The following YPEL1 variants were observed in gnomAD, a reference collection of about 807,000 sequenced individuals.
YPEL1 encodes yippee like 1.
YPEL1 carries 7 observed loss-of-function variants against 17.3 expected under a neutral mutation model. The observed-to-expected ratio is 0.40, with a 90% CI of 0.23 to 0.76. YPEL1 has a LOEUF of 0.76. Ranked by LOEUF, YPEL1 falls within the 30% of genes least tolerant of loss-of-function variation. The probability of loss-of-function intolerance (pLI) is 0.35; values close to 1 mark genes in which losing one functional copy is unlikely to be tolerated. For missense variants in YPEL1, 91 were observed against 155.5 expected (o/e 0.59, Z 2.21); for synonymous variants, 59 against 59.6 (o/e 0.99, Z 0.05).
Position 21,701,082 on chromosome 22 carries a change from G to T in YPEL1, c.*47C>A. ...CTCCTACGTTTCCATTACATTCACA[G>T]TTTCTTTCACAAAACAGCATTCAAA... is the stretch of plus-strand genomic sequence containing the variant. On this transcript the variant is annotated 3_prime_UTR_variant, in exon 5 of 5. Coordinates refer to ENST00000339468, the MANE Select transcript of YPEL1 (RefSeq NM_013313.5). 6.5e-7 allele frequency: 1 copy of T among 1,544,744 alleles called. No homozygotes were observed.
chr22:21,733,862 G>T (rs534190810), intron 1 of YPEL1, among the ~76,000 whole-genome samples: 249 of 152,322 alleles, frequency 1.6e-3, no homozygotes, highest in Non-Finnish European at 1.1e-3. Context: ...GTGGAACTTA[G>T]TGAAGACAGG....
intron 2 of YPEL1, 195 bp downstream of exon 2, chr22:21,710,433 G>T (rs1451576542): frequency 1.2e-5 from 7 of 597,442 alleles, no homozygotes; most frequent in Non-Finnish European, 2.1e-5. Flanking sequence ...ACCATGCCAG[G>T]ATCACATCTG....
At chr22:21,714,243 C>T (rs2068199607) in intron 1 of YPEL1, among the ~76,000 whole-genome samples, 1 of 152,204 alleles carries the variant, frequency 6.6e-6, no homozygotes, top group Non-Finnish European at 1.5e-5. Flanking sequence ...ACACAAACGG[C>T]CGGTGGCGGC....
rs949312779 is a variant in YPEL1 at position 21,703,101 on chromosome 22, CAG to C, written c.270+267_270+268del. Among the ~76,000 whole-genome samples the C allele has an allele frequency of 2.0e-4, 30 of 152,250 alleles. No individual in the cohort carries two copies. The highest frequency in any genetic ancestry group is 5.8e-4 in the African/African-American group (24 of 41,552). ...CAGCGGGCCGAGGGCGGGCTGGGTG[CAG>C]AGAGCCTGGCTTAGGAAGAAACAGG... On this transcript the variant is annotated intron_variant, in intron 4 of 4. Coordinates refer to ENST00000339468, the MANE Select transcript of YPEL1 (RefSeq NM_013313.5). This position sits in a 1 kb window ranked among gnomAD's most constrained non-coding sequence, Gnocchi z 6.1.
intron 1 of YPEL1, among the ~76,000 whole-genome samples, chr22:21,734,772 G>C (rs2068421035): frequency 6.6e-6 from 1 of 152,222 alleles, no homozygotes; most frequent in Non-Finnish European, 1.5e-5. Flanking sequence ...CTCAGGTGAG[G>C]TGCCTGGAAA....
In YPEL1 at chr22:21,703,692, G is replaced by T; in HGVS notation, c.161+147C>A. On this transcript the variant is annotated intron_variant, in intron 3 of 4. Coordinates refer to ENST00000339468, the MANE Select transcript of YPEL1 (RefSeq NM_013313.5). The surrounding 1 kb of genome is among the most constrained non-coding windows in gnomAD (Gnocchi z 6.1). Reference sequence around the variant, plus strand: ...CAGGCTAGGGGGCAAGATCCTTAGCGCGTTTCAGAAACTCCCGGCGGGGGG... The same window carrying T: ...CAGGCTAGGGGGCAAGATCCTTAGCTCGTTTCAGAAACTCCCGGCGGGGGG... The T allele has an allele frequency of 3.5e-6, 3 of 866,848 alleles. No individual in the cohort carries two copies. The highest frequency in any genetic ancestry group is 5.3e-6 in the Non-Finnish European group (3 of 570,648). The allele number at this position is 866,848 out of a possible 1,614,324, so 53.7% of individuals were successfully genotyped here.
intron 1 of YPEL1, among the ~76,000 whole-genome samples, chr22:21,724,940 T>C (rs1433588709): frequency 1.3e-5 from 2 of 149,248 alleles, no homozygotes; most frequent in African/African-American, 4.9e-5. Flanking sequence ...GGACTTTCGC[T>C]CTTTCCGCCC....
chr22:21,698,223 C>CA lies in YPEL1; in HGVS notation c.*2905dup, dbSNP rs59474281. ...GAGCTTGTATTTTGCAGAAGCCCAA[C>CA]AAAAAAAAAGTGATAAAAGTGTTGT... On this transcript the variant is annotated 3_prime_UTR_variant, in exon 5 of 5. Coordinates refer to ENST00000339468, the MANE Select transcript of YPEL1 (RefSeq NM_013313.5). 0.45 allele frequency: 43,563 copies of CA among 97,184 alleles called. 6,902 individuals are homozygous for CA. The highest frequency in any genetic ancestry group is 0.51 in the East Asian group (2,152 of 4,234). The allele number at this position is 97,184 out of a possible 1,614,324, so 6.0% of individuals were successfully genotyped here. A position where few individuals can be genotyped will look rare whatever the true frequency, so the allele number is the denominator to read the frequency against.
rs1420882674 is a variant in YPEL1, at chr22:21,703,475, C to G, written c.165G>C (p.Val55=). 1 of 1,608,680 alleles carries G rather than the reference C, an allele frequency of 6.2e-7. No homozygotes were observed. Among genetic ancestry groups the G allele is most frequent in the East Asian group, 2.2e-5 (1 of 44,862 alleles). ...CCTCTGCAGGGCCGCAGCCCACGTT[C>G]ACCCTGCGGGGACAGAGGGGCCACT... is the stretch of plus-strand genomic sequence containing the variant. ...QGRAYLFNSV[V]NVGCGPAEER... is the part of the protein sequence containing the mutation. Residue 55 remains valine, a synonymous_variant, in exon 4 of 5, where the codon GTG becomes GTC. Coordinates refer to ENST00000339468, the MANE Select transcript of YPEL1 (RefSeq NM_013313.5). The surrounding 1 kb of genome is among the most constrained non-coding windows in gnomAD (Gnocchi z 6.1).
chr22:21,734,664 G>T (rs1484336112), intron 1 of YPEL1, among the ~76,000 whole-genome samples: 1 of 152,162 alleles, frequency 6.6e-6, no homozygotes, highest in Non-Finnish European at 1.5e-5. Context: ...CCCTGAGGGG[G>T]ACCAGTGCAT....
chr22:21,710,567 T>C, intron 2 of YPEL1, 61 bp downstream of exon 2: 1 of 1,346,842 alleles, frequency 7.4e-7, no homozygotes, highest in Non-Finnish European at 1.1e-6. Flanking sequence ...TCTTCCACTA[T>C]GTAGGTACCA....
chr22:21,707,156 G>T (rs965857938), intron 2 of YPEL1, among the ~76,000 whole-genome samples: 2 of 152,232 alleles, frequency 1.3e-5, no homozygotes, highest in Non-Finnish European at 2.9e-5. Context: ...AGTGCCTCAT[G>T]CCTATAATCC....
chr22:21,720,820 T>TTG (rs1196459234), intron 1 of YPEL1, among the ~76,000 whole-genome samples: 2 of 150,114 alleles, frequency 1.3e-5, no homozygotes, highest in African/African-American at 4.9e-5. Context: ...TTTGTTTTTT[T>TTG]TTTTTTTTTT....
At chr22:21,711,539 A>G (rs1018315827) in intron 1 of YPEL1, among the ~76,000 whole-genome samples, 1 of 152,180 alleles carries the variant, frequency 6.6e-6, no homozygotes, top group Non-Finnish European at 1.5e-5. Flanking sequence ...GTATTATTTA[A>G]TCTTTAAGAA....
Position 21,722,349 on chromosome 22 carries a change from G to A in YPEL1, c.-164-11441C>T, listed in dbSNP as rs574007935. 2.0e-5 allele frequency among the ~76,000 whole-genome samples: 3 copies of A among 152,304 alleles called. No homozygotes were observed. In the South Asian group the frequency reaches 6.2e-4, roughly 32 times the overall value. ...AAGAAATGCTTGAACCCTGGAGATG[G>A]AGGTTGCAGTAAGCCGAGATCACGC... On this transcript the variant is annotated intron_variant, in intron 1 of 4. Transcript: ENST00000339468.
chr22:21,720,679 G>A (rs539842488), intron 1 of YPEL1, among the ~76,000 whole-genome samples: 3 of 151,716 alleles, frequency 2.0e-5, no homozygotes, highest in African/African-American at 4.8e-5. Flanking sequence ...TAGTAGAGAT[G>A]GGGCTTCACC....
chr22:21,711,956 T>G (rs1340058606), intron 1 of YPEL1, among the ~76,000 whole-genome samples: 1 of 152,068 alleles, frequency 6.6e-6, no homozygotes, highest in Non-Finnish European at 1.5e-5. Context: ...GGTGGACCAC[T>G]TGAGCCCAGG....
Position 21,703,971 on chromosome 22 carries a change from G to T in YPEL1, c.118-89C>A. The T allele has an allele frequency of 1.4e-6, 2 of 1,445,676 alleles. No individual in the cohort carries two copies. Among genetic ancestry groups the T allele is most frequent in the Non-Finnish European group, 1.9e-6 (2 of 1,050,238 alleles). The allele number at this position is 1,445,676 out of a possible 1,614,324, so 89.6% of individuals were successfully genotyped here. A position where few individuals can be genotyped will look rare whatever the true frequency, so the allele number is the denominator to read the frequency against. On this transcript the variant is annotated intron_variant, in intron 2 of 4. Transcript: ENST00000339468. This position sits in a 1 kb window ranked among gnomAD's most constrained non-coding sequence, Gnocchi z 6.1. ...AGAACCAGGGGAGTCCAGCCCCGCG[G>T]CTGTTAGCTGCGCCGGGACGCGTCA...
At chr22:21,712,148 C>T (rs1308090238) in intron 1 of YPEL1, among the ~76,000 whole-genome samples, 1 of 152,102 alleles carries the variant, frequency 6.6e-6, no homozygotes, top group East Asian at 1.9e-4. Flanking sequence ...GCACTCCAGC[C>T]TGAGCAACAG....
Sources: gnomAD v4.1 joint callset for allele counts (sites outside exome capture counted in the v4.1 genomes callset) on GRCh38, gnomAD v4.1.1 for gene constraint, Gnocchi (gnomAD v3.1) non-coding constraint, MANE v1.5 for transcripts, NCBI Gene and HGNC (gene_info 2026-07-23, HGNC 2026-07-21) for gene names.